Variants in ZNF81 observed in about 807,000 individuals in gnomAD.
The protein encoded by ZNF81 is zinc finger protein 81.
ZNF81 carries 5 observed loss-of-function variants against 32.3 expected under a neutral mutation model. The ratio of observed to expected loss-of-function variants is 0.15; its 90% CI spans 0.08 to 0.33. The LOEUF (loss-of-function observed/expected upper bound fraction) is 0.33, where lower values mean the gene tolerates loss of function less well. Ranked by LOEUF, ZNF81 falls within the 10% of genes least tolerant of loss-of-function variation. The pLI is 1.00. For synonymous variants in ZNF81, 163 were observed against 166.8 expected, an observed-to-expected ratio of 0.98 and a Z score of 0.17; for missense variants, 379 against 479.8, an observed-to-expected ratio of 0.79 and a Z score of 1.96.
chrX:47,883,974 G>A (rs1454204994), intron 2 of ZNF81, among the ~76,000 whole-genome samples: 1 of 110,785 alleles, frequency 9.0e-6, no homozygotes, highest in Non-Finnish European at 1.9e-5. Flanking sequence ...GTGGCTGGGC[G>A]TGGTGGCTCA....
intron 4 of ZNF81, among the ~76,000 whole-genome samples, chrX:47,910,707 A>T (rs1207555): frequency 0.1 from 11,461 of 111,542 alleles, 1,442 homozygotes; most frequent in African/African-American, 0.36. Context: ...GTATTATAAT[A>T]GTGCTCTAGT....
At position 47,915,468 on chromosome X, in the gene ZNF81, C is replaced by T; in HGVS notation, c.822C>T (p.Asn274=). 2 of 1,211,460 alleles carry T rather than the reference C, an allele frequency of 1.7e-6. No homozygotes were observed. Among genetic ancestry groups the T allele is most frequent in the Middle Eastern group, 4.6e-4 (2 of 4,354 alleles). Reference sequence around the variant, plus strand: ...AATTTCCCATTGGAGAGAAAGCAAACACATGTACTGAATTTGGGAAGATCT... The same window carrying T: ...AATTTCCCATTGGAGAGAAAGCAAATACATGTACTGAATTTGGGAAGATCT... ...NVKFPIGEKA[N]TCTEFGKIFT... Residue 274 remains asparagine (N), a synonymous_variant, in exon 5 of 5, where the codon AAC becomes AAT. Coordinates refer to ENST00000338637, the MANE Select transcript of ZNF81 (RefSeq NM_007137.5).
At chrX:47,846,363 A>G (rs782001834) in intron 2 of ZNF81, 42 bp downstream of exon 2, 3 of 1,182,838 alleles carry the variant, frequency 2.5e-6, no homozygotes, top group Non-Finnish European at 3.4e-6. Flanking sequence ...GAATTCATCC[A>G]CAGCCCTGAA....
At chrX:47,897,655 T>C (rs1016898723) in intron 4 of ZNF81, among the ~76,000 whole-genome samples, 1 of 112,492 alleles carries the variant, frequency 8.9e-6, no homozygotes, top group Admixed American at 9.4e-5. Context: ...TCTCATACTT[T>C]CTTCTATAAG....
intron 4 of ZNF81, among the ~76,000 whole-genome samples, chrX:47,914,253 C>T (rs1257426154): frequency 9.0e-6 from 1 of 111,538 alleles, no homozygotes; most frequent in Admixed American, 9.5e-5. Context: ...ATGTAACTGT[C>T]ATGAGCTTCA....
rs2058776871 is a variant in ZNF81, at chrX:47,921,496, C to T, written c.*4864C>T. ...AGGCATGCAGTCTTGGTCAAGGCAACTTTGGCTGGCAGTCTCTGAGATGAC... is the reference window on the plus strand; with the variant it reads ...AGGCATGCAGTCTTGGTCAAGGCAATTTTGGCTGGCAGTCTCTGAGATGAC... On this transcript the variant is annotated 3_prime_UTR_variant, in exon 5 of 5. Coordinates refer to ENST00000338637, the MANE Select transcript of ZNF81 (RefSeq NM_007137.5). 9.0e-6 allele frequency: 1 copy of T among 111,103 alleles called. No homozygotes were observed. Among genetic ancestry groups the T allele is most frequent in the African/African-American group, 3.3e-5 (1 of 30,545 alleles). The allele number at this position is 111,103 out of a possible 1,213,427, so 9.2% of individuals were successfully genotyped here. A position where few individuals can be genotyped will look rare whatever the true frequency, so the allele number is the denominator to read the frequency against.
chrX:47,869,938 G>T (rs1556883717), intron 2 of ZNF81, among the ~76,000 whole-genome samples: 1 of 111,295 alleles, frequency 9.0e-6, no homozygotes, highest in Admixed American at 9.6e-5. Flanking sequence ...TCAAGTGATT[G>T]CCTGCCTCGG....
intron 2 of ZNF81, among the ~76,000 whole-genome samples, chrX:47,878,451 G>A (rs1003084072): frequency 1.2e-4 from 14 of 112,359 alleles, no homozygotes; most frequent in Non-Finnish European, 2.1e-4. Context: ...AACCTCTCAT[G>A]TTTTCAGTAT....
At chrX:47,867,690 A>G (rs1361035989) in intron 2 of ZNF81, among the ~76,000 whole-genome samples, 1 of 112,351 alleles carries the variant, frequency 8.9e-6, no homozygotes, top group Non-Finnish European at 1.9e-5. Flanking sequence ...CACATTCTTG[A>G]TTAGCAACGT....
At chrX:47,891,906 A>C (rs782047353) in intron 3 of ZNF81, among the ~76,000 whole-genome samples, 35 of 111,928 alleles carry the variant, frequency 3.1e-4, no homozygotes, top group African/African-American at 1.1e-3. Context: ...AGTTTTTGAC[A>C]GTGTACCAGG....
intron 2 of ZNF81, among the ~76,000 whole-genome samples, chrX:47,883,510 C>G (rs782407653): frequency 3.6e-5 from 4 of 112,202 alleles, no homozygotes; most frequent in African/African-American, 1.3e-4. Flanking sequence ...ACATTTCCTT[C>G]TAGGGCATTT....
At chrX:47,896,901 G>A (rs782041425) in intron 4 of ZNF81, among the ~76,000 whole-genome samples, 1 of 112,206 alleles carries the variant, frequency 8.9e-6, no homozygotes, top group South Asian at 3.7e-4. Flanking sequence ...ATGTTATTAA[G>A]TATATCTCTG....
At chrX:47,909,450 G>A (rs1291067990) in intron 4 of ZNF81, among the ~76,000 whole-genome samples, 1 of 110,974 alleles carries the variant, frequency 9.0e-6, no homozygotes, top group Non-Finnish European at 1.9e-5. Flanking sequence ...CAGGATATCT[G>A]TTCTAATAGT....
intron 2 of ZNF81, among the ~76,000 whole-genome samples, chrX:47,869,578 T>A (rs1472867205): frequency 1.8e-5 from 2 of 112,727 alleles, no homozygotes; most frequent in Non-Finnish European, 3.7e-5. Flanking sequence ...CGAATCTCAA[T>A]ACCAGTGTAA....
intron 4 of ZNF81, among the ~76,000 whole-genome samples, chrX:47,901,572 T>G (rs1023652523): frequency 8.9e-6 from 1 of 111,988 alleles, no homozygotes; most frequent in Non-Finnish European, 1.9e-5. Context: ...TATTGAAAAG[T>G]GCATTTTATC....
Position 47,919,433 on chromosome X carries a change from T to C in ZNF81, c.*2801T>C, listed in dbSNP as rs782013404. The C allele has an allele frequency of 4.8e-6, 1 of 208,897 alleles. No individual in the cohort carries two copies. Among genetic ancestry groups the C allele is most frequent in the Non-Finnish European group, 9.0e-6 (1 of 110,899 alleles). The allele number at this position is 208,897 out of a possible 1,213,427, so 17.2% of individuals were successfully genotyped here. A position where few individuals can be genotyped will look rare whatever the true frequency, so the allele number is the denominator to read the frequency against. ...TTCCATTTGATTCTTACAATTTTCA[T>C]ATATCTGCTGAAATTCCCCATCTTT... On this transcript the variant is annotated 3_prime_UTR_variant, in exon 5 of 5. Coordinates refer to ENST00000338637, the MANE Select transcript of ZNF81 (RefSeq NM_007137.5).
chrX:47,847,607 A>G (rs1190278679), intron 2 of ZNF81, among the ~76,000 whole-genome samples: 4 of 111,346 alleles, frequency 3.6e-5, no homozygotes, highest in African/African-American at 1.3e-4. Context: ...TCTTCCCTTC[A>G]CCATCTCCCA....
chrX:47,862,303 C>T (rs1456000594), intron 2 of ZNF81, among the ~76,000 whole-genome samples: 1 of 109,433 alleles, frequency 9.1e-6, no homozygotes, highest in Non-Finnish European at 1.9e-5. Context: ...CCGAGGCAGG[C>T]GGATCAGGAG....
rs1569386079 is a variant in ZNF81, at chrX:47,888,104, T to C, written c.160T>C (p.Tyr54His). The change falls in exon 3 of 5, where the codon TAC (tyrosine) becomes CAC (histidine). Residue 54 changes from tyrosine to histidine, a missense_variant. By Grantham distance (83) the Tyr-to-His change is moderately conservative. Coordinates refer to ENST00000338637, the MANE Select transcript of ZNF81 (RefSeq NM_007137.5). ...GTACCAGGATGTAATGTTGGAGAAC[T>C]ACAGCCACCTGCTCTCAGTGGGTAA... ...RLYQDVMLEN[Y>H]SHLLSVGFEV... 8.3e-7 allele frequency: 1 copy of C among 1,209,972 alleles called. No individual in the cohort carries two copies. The highest frequency in any genetic ancestry group is 3.0e-5 in the East Asian group (1 of 33,783).
Sources: allele counts gnomAD v4.1 joint callset (sites outside exome capture counted in the v4.1 genomes callset), GRCh38; gene constraint gnomAD v4.1.1; transcripts MANE v1.5; gene names NCBI Gene and HGNC (gene_info 2026-07-23, HGNC 2026-07-21).